Variants in FAM72A observed in about 807,000 individuals in gnomAD.
FAM72A encodes protein FAM72A.
In FAM72A, 1 loss-of-function variant was observed where a neutral mutation model predicts 11.3. The observed-to-expected ratio is 0.09, with a 90% CI of 0.03 to 0.42. The LOEUF (loss-of-function observed/expected upper bound fraction) is 0.42. Ranked by LOEUF, FAM72A falls within the 10% of genes least tolerant of loss-of-function variation. The pLI is 0.98. For missense variants in FAM72A, 15 were observed against 135.5 expected (o/e 0.11, Z 4.41); for synonymous variants, 5 against 46.9 (o/e 0.11, Z 3.65).
At position 206,187,153 on chromosome 1, in the gene FAM72A, A is replaced by G. The variant is rs1664571970; in HGVS notation, c.*126T>C. On this transcript the variant is annotated 3_prime_UTR_variant, in exon 4 of 4. Coordinates refer to ENST00000367128, the MANE Select transcript of FAM72A (RefSeq NM_001123168.3). ...AACTAATTAGAGACGGAAAATAAAT[A>G]AATCAACAAATGCCCCATTTTTGTT... is the stretch of plus-strand genomic sequence containing the variant. 1.8e-6 allele frequency: 2 copies of G among 1,092,470 alleles called. No homozygotes were observed. The highest frequency in any genetic ancestry group is 1.6e-5 in the African/African-American group (1 of 62,220). 67.7% of individuals were successfully genotyped at this position (1,092,470 alleles called of 1,614,324 possible).
chr1:206,191,720 TA>T lies in FAM72A; in HGVS notation c.355+4031del, dbSNP rs1208304406. The stretch of plus-strand genomic sequence containing the variant: ...TTGGTAGTGTACTTTCTTACTAAAA[TA>T]TTATTTTTTTTTTTTTTTTTTTTTG... On this transcript the variant is annotated intron_variant, in intron 3 of 3. Transcript: ENST00000367128. 1.4e-3 allele frequency among the ~76,000 whole-genome samples: 170 copies of T among 124,162 alleles called. 1 individual carries two copies. The highest frequency in any genetic ancestry group is 4.2e-3 in the African/African-American group (108 of 25,590). The allele number at this position is 124,162 out of a possible 152,430, so 81.5% of individuals were successfully genotyped here. A position where few individuals can be genotyped will look rare whatever the true frequency, so the allele number is the denominator to read the frequency against.
At chr1:206,196,691 C>T (rs1665074473) in intron 2 of FAM72A, among the ~76,000 whole-genome samples, 1 of 134,300 alleles carries the variant, frequency 7.4e-6, no homozygotes, top group African/African-American at 2.9e-5. Flanking sequence ...TTTGAAGGAA[C>T]TCAGAAATAA....
upstream of FAM72A, chr1:206,203,449 G>T (rs1203304265): frequency 3.4e-5 from 14 of 412,430 alleles, no homozygotes; most frequent in Admixed American, 5.5e-4. Context: ...TTGGCTATGG[G>T]CCCCATCGGT....
At chr1:206,205,262 T>G, upstream of FAM72A, 1 of 146,984 alleles carries the variant, frequency 6.8e-6, no homozygotes, top group Non-Finnish European at 1.5e-5. Context: ...CGGAGGGAGC[T>G]TCCTTCCTCC....
chr1:206,204,909 C>CG (rs1665754656), upstream of FAM72A: 1 of 129,060 alleles, frequency 7.7e-6, no homozygotes, highest in African/African-American at 3.5e-5. Flanking sequence ...GCAGATTTGC[C>CG]CCCCCCCCCA....
chr1:206,196,016 T>A (rs1665037826), intron 2 of FAM72A, 140 bp from the exon 3 acceptor site: 1 of 876,106 alleles, frequency 1.1e-6, no homozygotes, highest in East Asian at 3.1e-5. Context: ...TGGGATGGGA[T>A]GGGGGTGCAG....
At chr1:206,198,890 A>G (rs1236395654) in intron 2 of FAM72A, among the ~76,000 whole-genome samples, 1 of 132,806 alleles carries the variant, frequency 7.5e-6, no homozygotes, top group Non-Finnish European at 1.6e-5. Context: ...ACCAACATGG[A>G]GAAATCCTGT....
At chr1:206,203,360 C>G, upstream of FAM72A, 1 of 396,740 alleles carries the variant, frequency 2.5e-6, no homozygotes, top group Non-Finnish European at 4.4e-6. Context: ...GTGACCACGC[C>G]TCGGCAGTGC....
upstream of FAM72A, chr1:206,202,849 C>T (rs1245018509): frequency 1.7e-5 from 2 of 120,320 alleles, no homozygotes; most frequent in Non-Finnish European, 3.4e-5. Context: ...CGTTGGTTTT[C>T]GCTCCCTCTT....
upstream of FAM72A, chr1:206,203,031 C>G (rs1665467168): frequency 6.5e-6 from 1 of 154,358 alleles, no homozygotes; most frequent in East Asian, 1.9e-4. Context: ...GTGCTGAGAT[C>G]AATTCGGCTT....
At position 206,202,165 on chromosome 1, in the gene FAM72A, G is replaced by GTT; in HGVS notation, c.-142_-141dup. 4.3e-6 allele frequency: 4 copies of GTT among 927,466 alleles called. No individual in the cohort carries two copies. Among genetic ancestry groups the GTT allele is most frequent in the South Asian group, 1.7e-5 (1 of 57,750 alleles). 57.5% of individuals were successfully genotyped at this position (927,466 alleles called of 1,614,324 possible). A position where few individuals can be genotyped will look rare whatever the true frequency, so the allele number is the denominator to read the frequency against. ...AGTCCTAATATTGGGAAGGAAATTA[G>GTT]TTTTTTTTTCTGTTTTCCCGGTGGC... is the stretch of plus-strand genomic sequence containing the variant. On this transcript the variant is annotated 5_prime_UTR_variant, in exon 1 of 4. Transcript: ENST00000367128.
chr1:206,190,940 CAT>C (rs1664754284), intron 3 of FAM72A, among the ~76,000 whole-genome samples: 1 of 150,776 alleles, frequency 6.6e-6, no homozygotes, highest in African/African-American at 2.4e-5. Context: ...ACACGGAGAA[CAT>C]GTGTCTTATA....
intron 3 of FAM72A, among the ~76,000 whole-genome samples, chr1:206,191,373 C>G (rs1199534853): frequency 8.1e-6 from 1 of 123,562 alleles, no homozygotes. Context: ...AATCCCAGCA[C>G]TTTGGGAGGC....
intron 3 of FAM72A, among the ~76,000 whole-genome samples, chr1:206,192,876 G>A (rs1664864917): frequency 6.7e-6 from 1 of 150,348 alleles, no homozygotes; most frequent in Admixed American, 6.6e-5. Context: ...ATGGATGAAG[G>A]TGGCTACACT....
intron 2 of FAM72A, among the ~76,000 whole-genome samples, chr1:206,197,263 C>T (rs1401730450): frequency 2.0e-5 from 3 of 152,226 alleles, no homozygotes; most frequent in Non-Finnish European, 4.4e-5. Flanking sequence ...CTTGTTCTCA[C>T]GGAGCTAACA....
chr1:206,198,299 GGTTGCA>G (rs1467894871), intron 2 of FAM72A, among the ~76,000 whole-genome samples: 1 of 150,912 alleles, frequency 6.6e-6, no homozygotes. Context: ...GGGAGGCGGA[GGTTGCA>G]GTAAGCTGAG....
chr1:206,190,794 C>T (rs1377666862), intron 3 of FAM72A, among the ~76,000 whole-genome samples: 66 of 150,806 alleles, frequency 4.4e-4, no homozygotes, highest in African/African-American at 1.5e-3. Context: ...TGGCTTGAGC[C>T]TGGGAGGTCG....
intron 3 of FAM72A, among the ~76,000 whole-genome samples, chr1:206,191,896 C>T (rs1233336382): frequency 2.0e-5 from 3 of 150,788 alleles, no homozygotes; most frequent in Admixed American, 2.0e-4. Flanking sequence ...TGGTCTTGGC[C>T]TCCCAAAGTG....
upstream of FAM72A, chr1:206,203,375 C>T (rs1411819953): frequency 2.5e-6 from 1 of 396,544 alleles, no homozygotes; most frequent in Non-Finnish European, 4.4e-6. Flanking sequence ...CAGTGCTAGT[C>T]ACACCTCCAA....
Sources: allele counts gnomAD v4.1 joint callset (sites outside exome capture counted in the v4.1 genomes callset), GRCh38; gene constraint gnomAD v4.1.1; transcripts MANE v1.5; gene names NCBI Gene and HGNC (gene_info 2026-07-23, HGNC 2026-07-21).